Variants in PECAM1 observed in about 807,000 individuals in gnomAD.
PECAM1 encodes the protein platelet and endothelial cell adhesion molecule 1, also known as platelet endothelial cell adhesion molecule.
A neutral mutation model predicts 13.8 loss-of-function variants in PECAM1; 8 were observed. That is an observed-to-expected ratio of 0.58 (90% CI 0.34 to 1.05). PECAM1 has a LOEUF of 1.05. Among genes scored for constraint, PECAM1 ranks in the 50% least tolerant of loss-of-function variants. The pLI is 0.03. For synonymous variants in PECAM1, 136 were observed against 52.6 expected, an observed-to-expected ratio of 2.58 and a Z score of -6.86; for missense variants, 304 against 141.2, an observed-to-expected ratio of 2.15 and a Z score of -5.84.
intron 2 of PECAM1, among the ~76,000 whole-genome samples, chr17:64,378,319 T>C (rs1434708548): frequency 6.6e-6 from 1 of 152,100 alleles, no homozygotes; most frequent in African/African-American, 2.4e-5. Context: ...GCTGCAACTT[T>C]TCCCACCAAG....
intron 14 of PECAM1, among the ~76,000 whole-genome samples, chr17:64,331,375 G>T (rs1488172931): frequency 6.6e-6 from 1 of 152,164 alleles, no homozygotes; most frequent in Non-Finnish European, 1.5e-5. Flanking sequence ...TAGTAGAGAT[G>T]GGGTTTCGCC....
intron 14 of PECAM1, among the ~76,000 whole-genome samples, chr17:64,330,590 C>T (rs36067960): frequency 0.47 from 70,519 of 149,244 alleles, 17,857 homozygotes; most frequent in East Asian, 0.69. Flanking sequence ...GAGCTGAGAT[C>T]GCACCACTGC....
At chr17:64,372,315 A>G (rs2036259708) in intron 4 of PECAM1, among the ~76,000 whole-genome samples, 1 of 152,170 alleles carries the variant, frequency 6.6e-6, no homozygotes, top group African/African-American at 2.4e-5. Context: ...TAGCATCACT[A>G]CTGATGAAAA....
intron 13 of PECAM1, among the ~76,000 whole-genome samples, chr17:64,346,773 A>G (rs2035580141): frequency 6.6e-6 from 1 of 152,220 alleles, no homozygotes; most frequent in African/African-American, 2.4e-5. Flanking sequence ...TGCCCTTGAG[A>G]GAACCACATA....
In PECAM1 at chr17:64,323,609, T is replaced by C; in HGVS notation, c.*207A>G. The C allele has an allele frequency of 8.4e-6, 12 of 1,434,380 alleles. No individual in the cohort carries two copies. The highest frequency in any genetic ancestry group is 5.5e-5 in the Admixed American group (2 of 36,304). The allele number at this position is 1,434,380 out of a possible 1,614,324, so 88.9% of individuals were successfully genotyped here. A position where few individuals can be genotyped will look rare whatever the true frequency, so the allele number is the denominator to read the frequency against. On this transcript the variant is annotated 3_prime_UTR_variant, in exon 16 of 16. Transcript: ENST00000563924. Reference sequence around the variant, plus strand: ...TGGTGGAAGGAGGGTATGTGGGAAATTCAACAGCCCCTCTGTATCTCTTTC... The same window carrying C: ...TGGTGGAAGGAGGGTATGTGGGAAACTCAACAGCCCCTCTGTATCTCTTTC...
chr17:64,347,592 A>T (rs943158590), intron 13 of PECAM1, among the ~76,000 whole-genome samples: 1 of 142,066 alleles, frequency 7.0e-6, no homozygotes, highest in Admixed American at 7.0e-5. Context: ...ATATAAATAT[A>T]AAAATATTAT....
At chr17:64,366,333 G>A (rs1243731401) in intron 5 of PECAM1, among the ~76,000 whole-genome samples, 2 of 151,848 alleles carry the variant, frequency 1.3e-5, no homozygotes, top group East Asian at 3.9e-4. Flanking sequence ...AACAGGTGCT[G>A]GAGAGGATGT....
intron 5 of PECAM1, among the ~76,000 whole-genome samples, chr17:64,366,482 C>T (rs1195291218): frequency 2.0e-5 from 3 of 150,118 alleles, no homozygotes. Flanking sequence ...GGGTATATAC[C>T]CAAAGGACTA....
chr17:64,321,316 G>C lies in PECAM1; in HGVS notation c.*2500C>G, dbSNP rs1340861583. The stretch of plus-strand genomic sequence containing the variant: ...CTGGGATGCTTCAGGTTTAGACACC[G>C]GGGTTACGGCAGCTGCCGAGGAAGG... On this transcript the variant is annotated 3_prime_UTR_variant, in exon 16 of 16. Transcript: ENST00000563924. 5.9e-6 allele frequency: 3 copies of C among 508,372 alleles called. No homozygotes were observed. Among genetic ancestry groups the C allele is most frequent in the Non-Finnish European group, 7.6e-6 (3 of 394,224 alleles). 31.5% of individuals were successfully genotyped at this position (508,372 alleles called of 1,614,324 possible).
intron 9 of PECAM1, among the ~76,000 whole-genome samples, chr17:64,354,695 A>G (rs2035809807): frequency 6.6e-6 from 1 of 152,128 alleles, no homozygotes; most frequent in African/African-American, 2.4e-5. Flanking sequence ...AGACACTTGC[A>G]CCCCACTCTA....
intron 5 of PECAM1, among the ~76,000 whole-genome samples, chr17:64,369,349 T>A (rs1278917264): frequency 6.6e-6 from 1 of 152,090 alleles, no homozygotes; most frequent in Non-Finnish European, 1.5e-5. Flanking sequence ...TATAACAGAG[T>A]AATGAAAACA....
intron 10 of PECAM1, among the ~76,000 whole-genome samples, chr17:64,352,964 T>C (rs1044805496): frequency 4.6e-5 from 7 of 152,060 alleles, no homozygotes; most frequent in Non-Finnish European, 7.4e-5. Context: ...TAAAACTTTT[T>C]CCTATTAAAA....
intron 9 of PECAM1, among the ~76,000 whole-genome samples, chr17:64,354,315 C>T (rs6504221): frequency 0.072 from 10,901 of 152,146 alleles, 1,295 homozygotes; most frequent in African/African-American, 0.25. Flanking sequence ...CGAAGCTGGC[C>T]TAAGATCAAC....
chr17:64,332,819 C>T (rs2035163084), intron 14 of PECAM1, among the ~76,000 whole-genome samples: 1 of 152,188 alleles, frequency 6.6e-6, no homozygotes. Context: ...TTCTGCCTCC[C>T]TAAGAAACAC....
rs1555644148 is a variant in PECAM1 at position 64,319,528 on chromosome 17, T to C, written c.*4288A>G. ...GAGATCTAAGTGCCCTGCCTGACCC[T>C]TAACTTGGGGTTTTATGTATTTGGC... is the stretch of plus-strand genomic sequence containing the variant. On this transcript the variant is annotated 3_prime_UTR_variant, in exon 16 of 16. Coordinates refer to ENST00000563924, the MANE Select transcript of PECAM1 (RefSeq NM_000442.5). 2.0e-5 allele frequency: 3 copies of C among 152,110 alleles called. No homozygotes were observed. Among genetic ancestry groups the C allele is most frequent in the Non-Finnish European group, 4.4e-5 (3 of 68,000 alleles). The allele number at this position is 152,110 out of a possible 1,614,324, so 9.4% of individuals were successfully genotyped here.
chr17:64,371,516 A>G (rs1222563281), intron 4 of PECAM1, among the ~76,000 whole-genome samples: 1 of 152,132 alleles, frequency 6.6e-6, no homozygotes, highest in Non-Finnish European at 1.5e-5. Context: ...CTCAAAAAAC[A>G]TATTATAAAA....
intron 13 of PECAM1, among the ~76,000 whole-genome samples, chr17:64,342,746 C>A (rs2035466662): frequency 6.6e-6 from 1 of 152,020 alleles, no homozygotes; most frequent in East Asian, 1.9e-4. Context: ...TCAAGGGCGC[C>A]CTTCCTGCCA....
chr17:64,374,798 A>C (rs1017967281), intron 4 of PECAM1, among the ~76,000 whole-genome samples: 4 of 151,446 alleles, frequency 2.6e-5, no homozygotes, highest in Non-Finnish European at 5.9e-5. Flanking sequence ...AAAAAACCCC[A>C]AAAACCAAGC....
intron 8 of PECAM1, among the ~76,000 whole-genome samples, chr17:64,355,597 T>A (rs918691513): frequency 5.9e-5 from 9 of 152,156 alleles, no homozygotes; most frequent in Non-Finnish European, 1.2e-4. Flanking sequence ...GTAGCTGGGA[T>A]TACAGGTATG....
Sources: gnomAD v4.1 joint callset for allele counts (sites outside exome capture counted in the v4.1 genomes callset) on GRCh38, gnomAD v4.1.1 for gene constraint, MANE v1.5 for transcripts, NCBI Gene and HGNC (gene_info 2026-07-23, HGNC 2026-07-21) for gene names.